The following SYMPK variants were observed in gnomAD, a reference collection of about 807,000 sequenced individuals.
SYMPK encodes the protein symplekin scaffold protein, also known as symplekin.
A neutral mutation model predicts 136.4 loss-of-function variants in SYMPK; 49 were observed. That is an observed-to-expected ratio of 0.36 (90% CI 0.29 to 0.46). The LOEUF is 0.46. Ranked by LOEUF, SYMPK falls within the 20% of genes least tolerant of loss-of-function variation. SYMPK has a pLI of 1.00. For synonymous variants in SYMPK, 766 were observed against 713.0 expected (o/e 1.07, Z -1.19); for missense variants, 1,365 against 1,690.0 (o/e 0.81, Z 3.37).
chr19:45,817,039 G>A, intron 23 of SYMPK, 65 bp from the exon 24 acceptor site: 1 of 1,491,890 alleles, frequency 6.7e-7, no homozygotes, highest in Non-Finnish European at 9.0e-7. Flanking sequence ...CCTTGACACT[G>A]GGAGAAAGAC....
Position 45,821,658 on chromosome 19 carries a change from A to C in SYMPK, c.2792-173T>G, listed in dbSNP as rs1014163909. ...ATAAAAAGGGGACACCGAAGGCAGC[A>C]GCAGCCCTCAGGCAGCGTGAGGTTG... On this transcript the variant is annotated intron_variant, in intron 21 of 26. Coordinates refer to ENST00000245934, the MANE Select transcript of SYMPK (RefSeq NM_004819.3). The surrounding 1 kb of genome is among the most constrained non-coding windows in gnomAD (Gnocchi z 4.4). Among the ~76,000 whole-genome samples the C allele has an allele frequency of 2.0e-5, 3 of 152,200 alleles. No individual in the cohort carries two copies. The highest frequency in any genetic ancestry group is 7.2e-5 in the African/African-American group (3 of 41,454).
In SYMPK at chr19:45,863,021, C is replaced by T. The variant is rs34086257; in HGVS notation, c.-13+37G>A. 20 of 401,140 alleles carry T rather than the reference C, an allele frequency of 5.0e-5. No homozygotes were observed. In the Middle Eastern group the frequency reaches 9.2e-4, roughly 19 times the overall value. 24.8% of individuals were successfully genotyped at this position (401,140 alleles called of 1,614,324 possible). ...CCCCTGCTTCTTTAGGAGCCTCCTC[C>T]TTTCGTCTCCGGGCCCAAACGCCGC... is the stretch of plus-strand genomic sequence containing the variant. On this transcript the variant is annotated intron_variant, in intron 1 of 26. Transcript: ENST00000245934.
At chr19:45,837,579 T>C (rs1230620979) in intron 10 of SYMPK, among the ~76,000 whole-genome samples, 2 of 132,966 alleles carry the variant, frequency 1.5e-5, no homozygotes, top group Admixed American at 8.8e-5. Context: ...ATCGCGCCAC[T>C]GCACTCCAGT....
intron 3 of SYMPK, among the ~76,000 whole-genome samples, chr19:45,853,626 AAAAG>A (rs1445720731): frequency 5.9e-5 from 9 of 151,988 alleles, no homozygotes; most frequent in East Asian, 3.9e-4. Flanking sequence ...AAAAAAAAAA[AAAAG>A]AGATGCTCTG....
intron 18 of SYMPK, among the ~76,000 whole-genome samples, chr19:45,824,915 C>A (rs1339258607): frequency 6.6e-6 from 1 of 152,186 alleles, no homozygotes; most frequent in Non-Finnish European, 1.5e-5. Context: ...CTGACGGGCC[C>A]AAGGTCGCAG....
Position 45,816,818 on chromosome 19 carries a change from G to A in SYMPK, c.3238C>T (p.Arg1080Cys), listed in dbSNP as rs748803664. The A allele has an allele frequency of 1.5e-5, 23 of 1,541,204 alleles. No homozygotes were observed. The highest frequency in any genetic ancestry group is 1.8e-4 in the Middle Eastern group (1 of 5,416). ...ELREPLLAHVRSFTPHQQAHI... is the reference protein window; with the variant it reads ...ELREPLLAHVCSFTPHQQAHI... ...GGTACCTGGTGGGGGGTGAAGGAGC[G>A]GACATGGGCCAGCAGGGGCTCCCGG... The change falls in exon 24 of 27, where the codon CGC becomes TGC. Residue 1080 changes from arginine (R) to cysteine (C), a missense_variant. By Grantham distance (180) the Arg-to-Cys change is radical. Around this residue, in one of 11 missense-constraint regions of SYMPK, gnomAD observed 341 missense variants for 270.5 expected, o/e 1.26. Coordinates refer to ENST00000245934, the MANE Select transcript of SYMPK (RefSeq NM_004819.3).
In SYMPK at chr19:45,815,700, G is replaced by C. The variant is rs760995211; in HGVS notation, c.3688-3C>G. ...GTCAGCCCGCCCGCTGCCGTCTCCT[G>C]GTGACCGGGGAAGGAAAGGGCAGCC... On this transcript the variant is annotated splice_polypyrimidine_tract_variant and splice_region_variant and intron_variant, in intron 26 of 26. Transcript: ENST00000245934. The C allele has an allele frequency of 6.2e-7, 1 of 1,609,386 alleles. No homozygotes were observed. The highest frequency in any genetic ancestry group is 8.5e-7 in the Non-Finnish European group (1 of 1,178,538).
In SYMPK at chr19:45,816,857, T is replaced by C; in HGVS notation, c.3199A>G (p.Lys1067Glu). 6.5e-7 allele frequency: 1 copy of C among 1,549,304 alleles called. No homozygotes were observed. The highest frequency in any genetic ancestry group is 8.7e-7 in the Non-Finnish European group (1 of 1,146,624). Residue 1067 changes from lysine (K) to glutamate (E), a missense_variant, in exon 24 of 27, where the codon AAG becomes GAG. Coordinates refer to ENST00000245934, the MANE Select transcript of SYMPK (RefSeq NM_004819.3). ...PPQQLGAVFD[K>E]CPELREPLLA... Reference sequence around the variant, plus strand: ...AGGGGCTCCCGGAGCTCTGGGCACTTGTCAAAGACGGCTCCCAGCTGCTGG... The same window carrying C: ...AGGGGCTCCCGGAGCTCTGGGCACTCGTCAAAGACGGCTCCCAGCTGCTGG...
intron 20 of SYMPK, 69 bp downstream of exon 20, chr19:45,823,303 G>T (rs1046676715): frequency 2.5e-5 from 37 of 1,486,862 alleles, no homozygotes; most frequent in Non-Finnish European, 3.4e-5. Context: ...CTGAAGCAAC[G>T]TGCTGCCCTG....
chr19:45,815,665 C>G lies in SYMPK; in HGVS notation c.3720G>C (p.Glu1240Asp). 1 of 1,610,838 alleles carries G rather than the reference C, an allele frequency of 6.2e-7. No individual in the cohort carries two copies. Among genetic ancestry groups the G allele is most frequent in the Non-Finnish European group, 8.5e-7 (1 of 1,179,158 alleles). The stretch of plus-strand genomic sequence containing the variant: ...GTGCGAGGGTCTGGGGGCTCCGCTC[C>G]TCCTTCAAGGTCAGCCCGCCCGCTG... The part of the protein sequence containing the change: ...ETAAGGLTLK[E>D]ERSPQTLAPV... Residue 1240 changes from glutamate to aspartate, a missense_variant, in exon 27 of 27, where the codon GAG becomes GAC. By Grantham distance (45) the Glu-to-Asp change is conservative. Transcript: ENST00000245934.
chr19:45,833,458 T>A (rs973637323), intron 11 of SYMPK, among the ~76,000 whole-genome samples: 4 of 151,326 alleles, frequency 2.6e-5, no homozygotes, highest in African/African-American at 7.3e-5. Flanking sequence ...TAAAATTAGC[T>A]GGGCATGGTG....
chr19:45,833,934 A>G (rs1033985291), intron 11 of SYMPK, among the ~76,000 whole-genome samples: 2 of 152,140 alleles, frequency 1.3e-5, no homozygotes, highest in Admixed American at 6.5e-5. Context: ...GGCGGATCAC[A>G]AGGTCAGGAG....
In SYMPK at chr19:45,826,236, G is replaced by C; in HGVS notation, c.2319C>G (p.Asp773Glu). The C allele has an allele frequency of 1.2e-6, 2 of 1,612,134 alleles. No individual in the cohort carries two copies. The highest frequency in any genetic ancestry group is 1.7e-6 in the Non-Finnish European group (2 of 1,179,134). The change falls in exon 17 of 27, where the codon GAC becomes GAG. Residue 773 changes from aspartate (D) to glutamate (E), a missense_variant. Physicochemically the swap from Asp to Glu is conservative, Grantham distance 45. Transcript: ENST00000245934. Reference protein sequence around the residue: ...PNPPSVLFGADKDTEVAAPWT... With the variant: ...PNPPSVLFGAEKDTEVAAPWT... ...TGACCTGTGCCCAACCTGTGTCCTT[G>C]TCAGCTCCAAACAGCACAGACGGTG...
rs908473557 is a variant in SYMPK, at chr19:45,844,275, A to G, written c.677-75T>C. On this transcript the variant is annotated intron_variant, in intron 7 of 26. Transcript: ENST00000245934. ...TCTGGAGACAGCAGCTTTTGGGACT[A>G]AAAGGAAGGACAGATCCTGGTACCT... The G allele has an allele frequency of 2.4e-6, 3 of 1,264,436 alleles. No individual in the cohort carries two copies. In the African/African-American group the frequency reaches 4.6e-5, roughly 19 times the overall value. 78.3% of individuals were successfully genotyped at this position (1,264,436 alleles called of 1,614,324 possible). A position where few individuals can be genotyped will look rare whatever the true frequency, so the allele number is the denominator to read the frequency against.
rs1404676434 is a variant in SYMPK, at chr19:45,816,144, G to A, written c.3394C>T (p.Pro1132Ser). Residue 1132 changes from proline (P) to serine (S), a missense_variant, in exon 26 of 27, where the codon CCC becomes TCC. By Grantham distance (74) the Pro-to-Ser change is moderately conservative. Around this residue, in one of 11 missense-constraint regions of SYMPK, gnomAD observed 341 missense variants for 270.5 expected, o/e 1.26. Transcript: ENST00000245934. ...CCGATGAGGTCCTGAGGGGGCCGGG[G>A]TGCTGGGGCCGGGGCCAAGGTCAGG... is the stretch of plus-strand genomic sequence containing the variant. The part of the protein sequence containing the change: ...EPLTLAPAPA[P>S]RPPQDLIGLR... The A allele has an allele frequency of 6.5e-7, 1 of 1,548,736 alleles. No individual in the cohort carries two copies. The highest frequency in any genetic ancestry group is 2.4e-5 in the East Asian group (1 of 42,028).
intron 2 of SYMPK, 63 bp from the exon 3 acceptor site, chr19:45,854,303 G>C: frequency 3.7e-6 from 6 of 1,606,226 alleles, no homozygotes; most frequent in Non-Finnish European, 5.1e-6. Context: ...CAGCCCCCTC[G>C]GCACTCCCAG....
At chr19:45,860,134 A>G (rs1971928387) in intron 1 of SYMPK, among the ~76,000 whole-genome samples, 1 of 151,636 alleles carries the variant, frequency 6.6e-6, no homozygotes, top group Non-Finnish European at 1.5e-5. Flanking sequence ...GTTTCCAAAA[A>G]AAAAAAAGAA....
intron 5 of SYMPK, among the ~76,000 whole-genome samples, chr19:45,850,203 C>T (rs1483863505): frequency 6.6e-6 from 1 of 152,094 alleles, no homozygotes; most frequent in East Asian, 1.9e-4. Flanking sequence ...CGAGATTGCA[C>T]CACTGCACCC....
chr19:45,827,088 T>A (rs1162635270), intron 16 of SYMPK, among the ~76,000 whole-genome samples: 1 of 152,178 alleles, frequency 6.6e-6, no homozygotes, highest in Non-Finnish European at 1.5e-5. Context: ...CACACTGCTC[T>A]GCTCAGCTGC....
Sources: allele counts gnomAD v4.1 joint callset (sites outside exome capture counted in the v4.1 genomes callset), GRCh38; gene constraint gnomAD v4.1.1; regional missense constraint gnomAD v4.1.1; non-coding constraint Gnocchi (gnomAD v3.1); transcripts MANE v1.5; gene names NCBI Gene and HGNC (gene_info 2026-07-23, HGNC 2026-07-21).